Variants in ZC3H12B observed in about 807,000 individuals in gnomAD.
ZC3H12B encodes the protein zinc finger CCCH-type containing 12B.
A neutral mutation model predicts 43.9 loss-of-function variants in ZC3H12B; 7 were observed. The observed-to-expected ratio is 0.16, with a 90% confidence interval of 0.09 to 0.30. ZC3H12B has a LOEUF of 0.30. Ranked by LOEUF, ZC3H12B falls within the 10% of genes least tolerant of loss-of-function variation. ZC3H12B has a pLI of 1.00. For synonymous variants in ZC3H12B, 222 were observed against 241.7 expected, an observed-to-expected ratio of 0.92 and a Z score of 0.76; for missense variants, 475 against 670.2, an observed-to-expected ratio of 0.71 and a Z score of 3.22.
the ZC3H12B span, among the ~76,000 whole-genome samples, chrX:65,309,505 T>C: frequency 3.6e-5 from 4 of 111,880 alleles, no homozygotes; most frequent in Non-Finnish European, 1.9e-5. Context: ...CAATAATTAA[T>C]AGCCTACCAA....
the ZC3H12B span, among the ~76,000 whole-genome samples, chrX:65,233,660 AAAC>A: frequency 9.0e-6 from 1 of 111,474 alleles, no homozygotes; most frequent in Admixed American, 9.6e-5. Context: ...AACTTCAAAT[AAAC>A]AACCTAGTAG....
chrX:65,154,672 G>A, the ZC3H12B span, among the ~76,000 whole-genome samples: 1 of 111,135 alleles, frequency 9.0e-6, no homozygotes, highest in African/African-American at 3.3e-5. Context: ...AATGATGTGA[G>A]ACCCCCATCT....
At chrX:65,072,894 G>T in the ZC3H12B span, among the ~76,000 whole-genome samples, 1 of 112,604 alleles carries the variant, frequency 8.9e-6, no homozygotes, top group African/African-American at 3.2e-5. Context: ...TGTGCACCTG[G>T]TCATGCCAGT....
At chrX:65,212,692 A>G in the ZC3H12B span, among the ~76,000 whole-genome samples, 1 of 91,142 alleles carries the variant, frequency 1.1e-5, no homozygotes, top group South Asian at 4.5e-4. Flanking sequence ...TATCATATAT[A>G]AATATATATG....
chrX:65,047,970 TGTACA>T, the ZC3H12B span, among the ~76,000 whole-genome samples: 2 of 111,056 alleles, frequency 1.8e-5, no homozygotes, highest in Non-Finnish European at 3.8e-5. Context: ...AAATTTTGAG[TGTACA>T]GTACAGTATT....
the ZC3H12B span, among the ~76,000 whole-genome samples, chrX:65,202,759 A>T: frequency 9.1e-6 from 1 of 110,227 alleles, no homozygotes; most frequent in African/African-American, 3.3e-5. Flanking sequence ...TACTGCCTAT[A>T]TTCATGCAAG....
At chrX:65,425,994 C>T (rs1308070628) in intron 3 of ZC3H12B, among the ~76,000 whole-genome samples, 1 of 110,812 alleles carries the variant, frequency 9.0e-6, no homozygotes, top group African/African-American at 3.3e-5. Context: ...AGGTAGGAGT[C>T]CATCCTTTTT....
the ZC3H12B span, among the ~76,000 whole-genome samples, chrX:65,079,449 T>G: frequency 8.9e-6 from 1 of 112,649 alleles, no homozygotes; most frequent in Non-Finnish European, 1.9e-5. Flanking sequence ...GATTCAGGTC[T>G]GACCCAGCAC....
At chrX:65,137,791 TA>T in the ZC3H12B span, among the ~76,000 whole-genome samples, 1 of 112,749 alleles carries the variant, frequency 8.9e-6, no homozygotes, top group Admixed American at 9.3e-5. Context: ...CAGTAAGATT[TA>T]TTTTTCCTAT....
chrX:65,224,758 A>G, the ZC3H12B span, among the ~76,000 whole-genome samples: 1 of 111,967 alleles, frequency 8.9e-6, no homozygotes, highest in African/African-American at 3.2e-5. Context: ...AGGCCCATGG[A>G]GTCTCGCTGA....
At chrX:65,120,875 G>T in the ZC3H12B span, among the ~76,000 whole-genome samples, 10 of 111,462 alleles carry the variant, frequency 9.0e-5, no homozygotes, top group Admixed American at 2.8e-4. Context: ...GTTGAATTTT[G>T]TGAAAGGCCT....
the ZC3H12B span, among the ~76,000 whole-genome samples, chrX:65,300,065 G>A: frequency 1.4e-4 from 16 of 112,485 alleles, no homozygotes; most frequent in African/African-American, 5.2e-4. Flanking sequence ...GGGTAGGGCT[G>A]CCAATAGAAT....
intron 2 of ZC3H12B, among the ~76,000 whole-genome samples, chrX:65,379,448 C>G (rs1237808910): frequency 8.9e-6 from 1 of 111,964 alleles, no homozygotes; most frequent in African/African-American, 3.3e-5. Context: ...ACACCAAAAA[C>G]CCATCTGTAC....
chrX:65,455,667 C>A (rs964854785), intron 3 of ZC3H12B, among the ~76,000 whole-genome samples: 3 of 111,357 alleles, frequency 2.7e-5, no homozygotes, highest in Non-Finnish European at 5.6e-5. Flanking sequence ...CCCCAAGACA[C>A]ATAATTGTCA....
chrX:65,225,650 C>T, the ZC3H12B span, among the ~76,000 whole-genome samples: 4 of 111,736 alleles, frequency 3.6e-5, no homozygotes, highest in Non-Finnish European at 7.5e-5. Flanking sequence ...AAATGTATAA[C>T]TAGAATAACC....
the ZC3H12B span, among the ~76,000 whole-genome samples, chrX:65,264,033 C>T: frequency 9.0e-6 from 1 of 111,111 alleles, no homozygotes; most frequent in African/African-American, 3.3e-5. Flanking sequence ...AGCTGGGAGG[C>T]CATTATTCTA....
At chrX:65,037,005 A>G in the ZC3H12B span, among the ~76,000 whole-genome samples, 1 of 109,101 alleles carries the variant, frequency 9.2e-6, no homozygotes, top group Non-Finnish European at 1.9e-5. Context: ...TTTTTTTTAA[A>G]GTGACTTTCA....
At chrX:65,503,411 A>T (rs1602547316) in exon 5 of ZC3H12B, 2 of 377,057 alleles carry the variant, frequency 5.3e-6, no homozygotes, top group East Asian at 9.2e-5. Flanking sequence ...CAGTGAAATT[A>T]AGTGGCTAGC....
At chrX:65,414,131 A>G (rs963685750) in intron 3 of ZC3H12B, among the ~76,000 whole-genome samples, 1 of 111,493 alleles carries the variant, frequency 9.0e-6, no homozygotes, top group African/African-American at 3.3e-5. Flanking sequence ...TAGAATTTTG[A>G]TGAGGAATTT....
Sources: allele counts gnomAD v4.1 joint callset (sites outside exome capture counted in the v4.1 genomes callset), GRCh38; gene constraint gnomAD v4.1.1; transcripts MANE v1.5; gene names NCBI Gene and HGNC (gene_info 2026-07-23, HGNC 2026-07-21).